Variants in DST observed in about 807,000 individuals in gnomAD.
The protein encoded by DST is dystonin.
A neutral mutation model predicts 875.2 loss-of-function variants in DST; 253 were observed. The ratio of observed to expected loss-of-function variants is 0.29; its 90% CI spans 0.26 to 0.32. DST has a LOEUF of 0.32. DST is among the 10% of genes least tolerant of loss of function. The probability of loss-of-function intolerance (pLI) is 1.00; values close to 1 mark genes in which losing one functional copy is unlikely to be tolerated. For synonymous variants in DST, 3,124 were observed against 3,197.1 expected, an observed-to-expected ratio of 0.98 and a Z score of 0.77; for missense variants, 8,287 against 9,111.6, an observed-to-expected ratio of 0.91 and a Z score of 3.68.
intron 4 of DST, among the ~76,000 whole-genome samples, chr6:56,741,332 A>G (rs1292511118): frequency 3.3e-5 from 5 of 152,260 alleles, no homozygotes; most frequent in Non-Finnish European, 7.3e-5. Flanking sequence ...ACTAAAGTAC[A>G]TAAGATACAA....
chr6:56,744,023 C>A (rs910912875), intron 4 of DST, among the ~76,000 whole-genome samples: 1 of 151,900 alleles, frequency 6.6e-6, no homozygotes, highest in Non-Finnish European at 1.5e-5. Flanking sequence ...GTGACAGGCA[C>A]CTGTAATCCC....
At chr6:56,742,168 G>T in intron 4 of DST, 1 of 681,050 alleles carries the variant, frequency 1.5e-6, no homozygotes, top group Non-Finnish European at 2.3e-6. Context: ...AAAGATGCCC[G>T]ACAATCAGCT....
At position 56,820,804 on chromosome 6, in the gene DST, GA is replaced by G. The variant is rs530901575; in HGVS notation, c.625+30592del. 3.6e-4 allele frequency among the ~76,000 whole-genome samples: 52 copies of G among 145,972 alleles called. 1 individual carries two copies. The highest frequency in any genetic ancestry group is 1.1e-3 in the African/African-American group (44 of 39,942). On this transcript the variant is annotated intron_variant, in intron 4 of 103. Transcript: ENST00000680361. ...TTTTACTTTTAGTTTCTTTTTCACA[GA>G]AAAAAAAAAGGATGACAAATCTAAA...
At chr6:56,892,463 C>T (rs1788053615) in intron 3 of DST, among the ~76,000 whole-genome samples, 1 of 151,858 alleles carries the variant, frequency 6.6e-6, no homozygotes, top group Non-Finnish European at 1.5e-5. Context: ...GCTGGGACTA[C>T]AGGCGTGCAC....
chr6:56,907,247 T>G (rs942321407), intron 2 of DST, among the ~76,000 whole-genome samples: 1 of 152,116 alleles, frequency 6.6e-6, no homozygotes, highest in African/African-American at 2.4e-5. Context: ...TTGTATTAAA[T>G]TCTCTATTGG....
At position 56,619,615 on chromosome 6, in the gene DST, T is replaced by G; in HGVS notation, c.4929+4915A>C. The stretch of plus-strand genomic sequence containing the variant: ...TCCCTTTTTCATGATTAAGAGATTC[T>G]AATTCTAACTGATAATTGCGCTTTA... On this transcript the variant is annotated intron_variant, in intron 36 of 103. Coordinates refer to ENST00000680361, the MANE Select transcript of DST (RefSeq NM_001374736.1). 1.2e-6 allele frequency: 2 copies of G among 1,613,936 alleles called. No homozygotes were observed. Among genetic ancestry groups the G allele is most frequent in the Non-Finnish European group, 1.7e-6 (2 of 1,180,020 alleles).
At chr6:56,651,695 T>C (rs1188982068) in intron 10 of DST, among the ~76,000 whole-genome samples, 1 of 152,162 alleles carries the variant, frequency 6.6e-6, no homozygotes, top group African/African-American at 2.4e-5. Flanking sequence ...TCTATAATCC[T>C]AGTCATTCTT....
intron 92 of DST, chr6:56,474,224 C>T (rs768813111): frequency 1.4e-4 from 52 of 379,252 alleles, no homozygotes; most frequent in Non-Finnish European, 2.1e-4. Flanking sequence ...TGGCTCATGC[C>T]TGTAATCCCA....
chr6:56,694,929 C>T (rs1027716740), intron 9 of DST, among the ~76,000 whole-genome samples: 21 of 152,056 alleles, frequency 1.4e-4, no homozygotes, highest in South Asian at 8.3e-4. Context: ...AAGTTCAAGA[C>T]CAGCCTGGCC....
At chr6:56,761,452 A>G (rs965097717) in intron 4 of DST, among the ~76,000 whole-genome samples, 3 of 152,250 alleles carry the variant, frequency 2.0e-5, no homozygotes, top group African/African-American at 7.2e-5. Context: ...ACACCATGTT[A>G]TGTTGGTGCA....
chr6:56,823,915 TTGAG>T (rs1365518833), intron 4 of DST, among the ~76,000 whole-genome samples: 1 of 152,132 alleles, frequency 6.6e-6, no homozygotes, highest in African/African-American at 2.4e-5. Flanking sequence ...AAAATAATTA[TTGAG>T]TATTTACAAT....
At chr6:56,872,038 G>C (rs1033796232) in intron 3 of DST, among the ~76,000 whole-genome samples, 4 of 152,140 alleles carry the variant, frequency 2.6e-5, no homozygotes, top group African/African-American at 9.7e-5. Flanking sequence ...TGTATGTCCA[G>C]CGATTCTACT....
intron 49 of DST, among the ~76,000 whole-genome samples, chr6:56,584,267 A>C (rs1291423189): frequency 2.0e-5 from 3 of 151,308 alleles, no homozygotes; most frequent in Non-Finnish European, 4.4e-5. Context: ...CTTTTATTTC[A>C]TTGAGCAGTG....
intron 43 of DST, 46 bp from the exon 44 acceptor site, chr6:56,601,722 A>G (rs1261194168): frequency 3.8e-6 from 4 of 1,047,658 alleles, no homozygotes; most frequent in Non-Finnish European, 5.5e-6. Context: ...TTAAGCCATG[A>G]TAAAATTTAT....
chr6:56,496,991 A>T (rs2095933174), intron 82 of DST, among the ~76,000 whole-genome samples: 2 of 151,994 alleles, frequency 1.3e-5, no homozygotes, highest in Admixed American at 6.6e-5. Context: ...AGGAAGGGGA[A>T]CATCACACTC....
chr6:56,755,781 G>A (rs2099600968), intron 4 of DST, among the ~76,000 whole-genome samples: 1 of 152,152 alleles, frequency 6.6e-6, no homozygotes, highest in South Asian at 2.1e-4. Flanking sequence ...AGAGATTATA[G>A]AAATTCTATA....
intron 100 of DST, 116 bp downstream of exon 100, chr6:56,464,569 T>C: frequency 1.3e-6 from 1 of 754,926 alleles, no homozygotes; most frequent in Non-Finnish European, 2.2e-6. Flanking sequence ...TGGATATGAG[T>C]TAAGCCATAC....
At position 56,614,376 on chromosome 6, in the gene DST, G is replaced by C; in HGVS notation, c.5038C>G (p.Pro1680Ala). 1 of 1,607,594 alleles carries C rather than the reference G, an allele frequency of 6.2e-7. No homozygotes were observed. The highest frequency in any genetic ancestry group is 8.5e-7 in the Non-Finnish European group (1 of 1,177,114). Residue 1680 changes from proline to alanine, a missense_variant, in exon 37 of 104, where the codon CCT becomes GCT. Coordinates refer to ENST00000680361, the MANE Select transcript of DST (RefSeq NM_001374736.1). ...AATACCTTTTGCTTAGAGAAGGGAG[G>C]TTTTCCAGCCTTCTCTGCATCTTTC... is the stretch of plus-strand genomic sequence containing the variant. ...TLKDAEKAGKPPFSKQKISSE... is the reference protein window; with the variant it reads ...TLKDAEKAGKAPFSKQKISSE...
At chr6:56,842,696 AAT>A (rs2099801744) in intron 4 of DST, among the ~76,000 whole-genome samples, 1 of 152,204 alleles carries the variant, frequency 6.6e-6, no homozygotes, top group Non-Finnish European at 1.5e-5. Context: ...CAGCAGCAGC[AAT>A]GCCTTAGTAA....
Sources: allele counts gnomAD v4.1 joint callset (sites outside exome capture counted in the v4.1 genomes callset), GRCh38; gene constraint gnomAD v4.1.1; transcripts MANE v1.5; gene names NCBI Gene and HGNC (gene_info 2026-07-23, HGNC 2026-07-21).